The following FLVCR2 variants were observed in gnomAD, a reference collection of about 807,000 sequenced individuals.
The protein encoded by FLVCR2 is choline/ethanolamine transporter FLVCR2.
FLVCR2 carries 38 observed loss-of-function variants against 48.9 expected under a neutral mutation model. The observed-to-expected ratio is 0.78, with a 90% CI of 0.60 to 1.02. FLVCR2 has a LOEUF of 1.02. Among genes scored for constraint, FLVCR2 ranks in the 50% least tolerant of loss-of-function variants. The pLI, the probability that FLVCR2 is intolerant of heterozygous loss-of-function variation, is 0.00. For missense variants in FLVCR2, 664 were observed against 663.3 expected, an observed-to-expected ratio of 1.00 and a Z score of -0.01; for synonymous variants, 255 against 257.0, an observed-to-expected ratio of 0.99 and a Z score of 0.07.
chr14:75,592,927 G>A (rs1396777497), intron 1 of FLVCR2, among the ~76,000 whole-genome samples: 1 of 152,220 alleles, frequency 6.6e-6, no homozygotes, highest in East Asian at 1.9e-4. Context: ...ATGCAGCCAA[G>A]TTCTTTGCTG....
chr14:75,640,928 C>A, intron 6 of FLVCR2, 27 bp from the exon 7 acceptor site: 1 of 1,512,930 alleles, frequency 6.6e-7, no homozygotes, highest in Non-Finnish European at 9.2e-7. Flanking sequence ...GTTCTTCATC[C>A]CCTTGTTTCT....
At chr14:75,583,563 G>C (rs561607759) in intron 1 of FLVCR2, among the ~76,000 whole-genome samples, 1 of 152,244 alleles carries the variant, frequency 6.6e-6, no homozygotes, top group African/African-American at 2.4e-5. Flanking sequence ...AGGAGGCTTT[G>C]AACTGGGGAA....
rs547278211 is a variant in FLVCR2 at position 75,640,190 on chromosome 14, C to T, written c.1235+728C>T. Among the ~76,000 whole-genome samples, 406 of 138,024 alleles carry T rather than the reference C, an allele frequency of 2.9e-3. 2 individuals carry two copies. The highest frequency in any genetic ancestry group is 4.9e-3 in the Non-Finnish European group (324 of 65,844). The allele number at this position is 138,024 out of a possible 152,430, so 90.5% of individuals were successfully genotyped here. A position where few individuals can be genotyped will look rare whatever the true frequency, so the allele number is the denominator to read the frequency against. ...AGGAGAATCGCTGGCACCTGGGAGG[C>T]GGAAGTTGCAGTGAGCCAAGATCGA... On this transcript the variant is annotated intron_variant, in intron 6 of 9. Transcript: ENST00000238667.
At chr14:75,619,037 A>G (rs1353539209) in intron 1 of FLVCR2, among the ~76,000 whole-genome samples, 1 of 152,120 alleles carries the variant, frequency 6.6e-6, no homozygotes, top group Non-Finnish European at 1.5e-5. Flanking sequence ...CAACCTGGCC[A>G]ACATGGGGAA....
chr14:75,615,397 T>C lies in FLVCR2; in HGVS notation c.670-6682T>C, dbSNP rs574109233. ...AGGGTAGGATGATGGTTTGTATGACTTCCCCAAATAAACCAAGTGCATCTT... is the reference window on the plus strand; with the variant it reads ...AGGGTAGGATGATGGTTTGTATGACCTCCCCAAATAAACCAAGTGCATCTT... On this transcript the variant is annotated intron_variant, in intron 1 of 9. Coordinates refer to ENST00000238667, the MANE Select transcript of FLVCR2 (RefSeq NM_017791.3). Among the ~76,000 whole-genome samples the C allele has an allele frequency of 3.3e-5, 5 of 152,260 alleles. No individual in the cohort carries two copies. The East Asian group carries it at 7.7e-4, about 24-fold the overall frequency.
chr14:75,618,255 A>G (rs894395244), intron 1 of FLVCR2, among the ~76,000 whole-genome samples: 2 of 151,926 alleles, frequency 1.3e-5, no homozygotes, highest in African/African-American at 4.8e-5. Context: ...TATCTCCCCA[A>G]CTCCCTTGAT....
intron 1 of FLVCR2, among the ~76,000 whole-genome samples, chr14:75,593,104 C>G (rs981164885): frequency 6.6e-6 from 1 of 152,072 alleles, no homozygotes; most frequent in Non-Finnish European, 1.5e-5. Flanking sequence ...TTTCTGAGCC[C>G]TCATCAAAAT....
intron 2 of FLVCR2, among the ~76,000 whole-genome samples, chr14:75,623,283 G>A (rs1337970373): frequency 6.6e-6 from 1 of 152,006 alleles, no homozygotes; most frequent in Non-Finnish European, 1.5e-5. Flanking sequence ...CACCTGGCCG[G>A]CCACTACTGT....
intron 9 of FLVCR2, among the ~76,000 whole-genome samples, chr14:75,645,198 T>C (rs372428832): frequency 6.6e-6 from 1 of 152,248 alleles, no homozygotes; most frequent in East Asian, 1.9e-4. Flanking sequence ...GAAGGTTGGA[T>C]TCTACAGCTG....
chr14:75,618,920 T>C (rs1889686982), intron 1 of FLVCR2, among the ~76,000 whole-genome samples: 1 of 151,754 alleles, frequency 6.6e-6, no homozygotes, highest in Admixed American at 6.6e-5. Flanking sequence ...TCTTTTTTGT[T>C]GTTACAAAGT....
At chr14:75,640,894 C>G (rs1161676989) in intron 6 of FLVCR2, 61 bp from the exon 7 acceptor site, 2 of 1,182,268 alleles carry the variant, frequency 1.7e-6, no homozygotes, top group African/African-American at 1.5e-5. Context: ...AGGAGGTGGG[C>G]TCCCCATCCT....
chr14:75,589,739 C>A (rs1401726831), intron 1 of FLVCR2, among the ~76,000 whole-genome samples: 1 of 152,248 alleles, frequency 6.6e-6, no homozygotes, highest in Non-Finnish European at 1.5e-5. Context: ...GGCACCATAG[C>A]TCTTGCATTA....
chr14:75,586,083 C>T (rs879544444), intron 1 of FLVCR2, among the ~76,000 whole-genome samples: 1 of 152,192 alleles, frequency 6.6e-6, no homozygotes, highest in Admixed American at 6.5e-5. Context: ...TCTCACGCAT[C>T]CACGTGAAGA....
At position 75,639,445 on chromosome 14, in the gene FLVCR2, C is replaced by T; in HGVS notation, c.1218C>T (p.Ile406=). The T allele has an allele frequency of 3.1e-6, 5 of 1,610,794 alleles. No homozygotes were observed. The highest frequency in any genetic ancestry group is 4.2e-6 in the Non-Finnish European group (5 of 1,176,936). The part of the protein sequence containing the change: ...LNLGHLWVVF[I]TAGTMGFFMT... The stretch of plus-strand genomic sequence containing the variant: ...TGGGACACCTGTGGGTAGTGTTCAT[C>T]ACTGCTGGCACAATGGGGTAAGTTT... The change falls in exon 6 of 10, where the codon ATC becomes ATT. Residue 406 remains isoleucine, a synonymous_variant. Coordinates refer to ENST00000238667, the MANE Select transcript of FLVCR2 (RefSeq NM_017791.3).
intron 1 of FLVCR2, among the ~76,000 whole-genome samples, chr14:75,591,332 A>G (rs1888873150): frequency 6.6e-6 from 1 of 152,216 alleles, no homozygotes; most frequent in East Asian, 1.9e-4. Flanking sequence ...CATGAGCCAC[A>G]CCAAGCCCTG....
intron 1 of FLVCR2, among the ~76,000 whole-genome samples, chr14:75,584,073 A>T (rs1461630006): frequency 6.6e-6 from 1 of 152,096 alleles, no homozygotes; most frequent in Non-Finnish European, 1.5e-5. Context: ...CACAGATGGC[A>T]CGGCTTAGGA....
chr14:75,612,859 G>C (rs1202038844), intron 1 of FLVCR2, among the ~76,000 whole-genome samples: 3 of 152,356 alleles, frequency 2.0e-5, no homozygotes, highest in African/African-American at 7.2e-5. Context: ...CTTCACTCTA[G>C]CCTGGTCTCC....
Position 75,640,936 on chromosome 14 carries a change from T to C in FLVCR2, c.1236-19T>C, listed in dbSNP as rs779020037. The C allele has an allele frequency of 6.3e-7, 1 of 1,575,002 alleles. No homozygotes were observed. The highest frequency in any genetic ancestry group is 1.7e-5 in the Admixed American group (1 of 59,970). ...TCTGGAAGTTCTTCATCCCCTTGTT[T>C]CTCTGGTCTGGTCTTCAGCTTCTTT... On this transcript the variant is annotated intron_variant, in intron 6 of 9. Coordinates refer to ENST00000238667, the MANE Select transcript of FLVCR2 (RefSeq NM_017791.3).
At chr14:75,628,031 C>T (rs769887645) in intron 3 of FLVCR2, among the ~76,000 whole-genome samples, 2 of 152,170 alleles carry the variant, frequency 1.3e-5, no homozygotes, top group African/African-American at 2.4e-5. Flanking sequence ...GCCTATAGGG[C>T]GAGAACTATA....
Sources: allele counts gnomAD v4.1 joint callset (sites outside exome capture counted in the v4.1 genomes callset), GRCh38; gene constraint gnomAD v4.1.1; transcripts MANE v1.5; gene names NCBI Gene and HGNC (gene_info 2026-07-23, HGNC 2026-07-21).